The following RANBP2 variants were observed in gnomAD, a reference collection of about 807,000 sequenced individuals.
RANBP2 encodes the protein E3 SUMO-protein ligase RanBP2.
A neutral mutation model predicts 303.6 loss-of-function variants in RANBP2; 57 were observed. The ratio of observed to expected loss-of-function variants is 0.19; its 90% CI spans 0.15 to 0.23. The LOEUF is 0.23. Among genes scored for constraint, RANBP2 ranks in the 10% least tolerant of loss-of-function variants. The probability of loss-of-function intolerance (pLI) is 1.00; values close to 1 mark genes in which losing one functional copy is unlikely to be tolerated. For missense variants in RANBP2, 3,138 were observed against 3,780.8 expected (o/e 0.83, Z 4.46); for synonymous variants, 1,167 against 1,301.5 (o/e 0.90, Z 2.23).
chr2:108,816,203 C>T, the RANBP2 span: 4 of 902,146 alleles, frequency 4.4e-6, no homozygotes, highest in East Asian at 2.6e-5. Flanking sequence ...ATAATCCCAT[C>T]ACTTTGGGAG....
the RANBP2 span, among the ~76,000 whole-genome samples, chr2:109,210,224 TTTC>T: frequency 1.3e-5 from 2 of 152,234 alleles, no homozygotes; most frequent in Non-Finnish European, 2.9e-5. Flanking sequence ...CATTTGGGTG[TTTC>T]TGCCTTTTGG....
At chr2:109,180,125 T>C in the RANBP2 span, among the ~76,000 whole-genome samples, 1 of 151,974 alleles carries the variant, frequency 6.6e-6, no homozygotes, top group Non-Finnish European at 1.5e-5. Flanking sequence ...GAAGTTTTTT[T>C]TTTTTTCTCT....
chr2:108,755,551 G>C (rs1015692192), intron 17 of RANBP2, among the ~76,000 whole-genome samples: 3 of 151,950 alleles, frequency 2.0e-5, no homozygotes, highest in Admixed American at 1.3e-4. Flanking sequence ...ACGCCACCAG[G>C]CCCAGCTAAT....
chr2:109,688,313 G>C, the RANBP2 span, among the ~76,000 whole-genome samples: 1 of 152,090 alleles, frequency 6.6e-6, no homozygotes, highest in Non-Finnish European at 1.5e-5. Flanking sequence ...ACTGGGCCTC[G>C]TTCCTCAGAG....
chr2:109,201,325 A>T, the RANBP2 span, among the ~76,000 whole-genome samples: 1 of 152,202 alleles, frequency 6.6e-6, no homozygotes, highest in African/African-American at 2.4e-5. Context: ...GGCCTCCCTG[A>T]TCTGTGACCT....
chr2:109,773,107 AG>A, the RANBP2 span, among the ~76,000 whole-genome samples: 9 of 152,374 alleles, frequency 5.9e-5, no homozygotes, highest in East Asian at 1.5e-3. Context: ...GATGGAAATA[AG>A]TGGGCGTTAT....
At chr2:109,474,550 C>T in the RANBP2 span, among the ~76,000 whole-genome samples, 1 of 152,180 alleles carries the variant, frequency 6.6e-6, no homozygotes, top group African/African-American at 2.4e-5. Context: ...CAGTCCGAAC[C>T]GCACGGGGCT....
At chr2:109,700,395 A>T in the RANBP2 span, among the ~76,000 whole-genome samples, 1 of 152,178 alleles carries the variant, frequency 6.6e-6, no homozygotes, top group African/African-American at 2.4e-5. Context: ...GATGTGAGAC[A>T]TCGATATATA....
At chr2:108,812,279 T>C in the RANBP2 span, among the ~76,000 whole-genome samples, 7 of 152,286 alleles carry the variant, frequency 4.6e-5, no homozygotes, top group East Asian at 1.4e-3. Flanking sequence ...ATCCCAGTTA[T>C]AGCTCATTGT....
the RANBP2 span, among the ~76,000 whole-genome samples, chr2:109,468,334 A>G: frequency 6.6e-6 from 1 of 152,186 alleles, no homozygotes; most frequent in Non-Finnish European, 1.5e-5. Context: ...AGGAAGGGGA[A>G]TGCGTTGCAC....
the RANBP2 span, among the ~76,000 whole-genome samples, chr2:109,087,286 G>C: frequency 2.6e-5 from 4 of 152,204 alleles, no homozygotes; most frequent in African/African-American, 4.8e-5. Flanking sequence ...CTTGGCAAGG[G>C]AGGTGGACTC....
chr2:109,589,080 C>T, the RANBP2 span, among the ~76,000 whole-genome samples: 1 of 152,128 alleles, frequency 6.6e-6, no homozygotes, highest in African/African-American at 2.4e-5. Context: ...ATAGGCGCCA[C>T]CACGCCTGGG....
At chr2:109,300,822 A>G in the RANBP2 span, among the ~76,000 whole-genome samples, 5 of 152,214 alleles carry the variant, frequency 3.3e-5, no homozygotes, top group Non-Finnish European at 5.9e-5. Context: ...TCATTACCAC[A>G]GTCTTTGCCT....
At chr2:109,345,774 T>C in the RANBP2 span, among the ~76,000 whole-genome samples, 2 of 152,216 alleles carry the variant, frequency 1.3e-5, no homozygotes, top group Non-Finnish European at 2.9e-5. Context: ...TTTTTGTAAA[T>C]TTAACCAAAC....
At chr2:109,066,237 T>C in the RANBP2 span, among the ~76,000 whole-genome samples, 1 of 151,958 alleles carries the variant, frequency 6.6e-6, no homozygotes, top group African/African-American at 2.4e-5. Flanking sequence ...GCCTACTGAG[T>C]AGCTAGAATT....
the RANBP2 span, among the ~76,000 whole-genome samples, chr2:109,212,739 C>T: frequency 0.011 from 1,707 of 152,294 alleles, 28 homozygotes; most frequent in African/African-American, 0.037. Flanking sequence ...TCTCTTTGCC[C>T]GTGGCCCAAA....
At chr2:109,007,452 G>A in the RANBP2 span, among the ~76,000 whole-genome samples, 1 of 152,202 alleles carries the variant, frequency 6.6e-6, no homozygotes, top group Admixed American at 6.5e-5. Flanking sequence ...TACTTTCAGG[G>A]TGAGGTTGTG....
chr2:109,380,685 T>C, the RANBP2 span, among the ~76,000 whole-genome samples: 4 of 152,180 alleles, frequency 2.6e-5, no homozygotes. Context: ...TTAAATGTTG[T>C]CAGGGCCTGG....
the RANBP2 span, among the ~76,000 whole-genome samples, chr2:109,007,890 C>A: frequency 1.5e-5 from 2 of 133,940 alleles, no homozygotes; most frequent in African/African-American, 2.8e-5. Context: ...CACAAGAAAT[C>A]TAAACCTGTT....
Sources: allele counts gnomAD v4.1 joint callset (sites outside exome capture counted in the v4.1 genomes callset), GRCh38; gene constraint gnomAD v4.1.1; transcripts MANE v1.5; gene names NCBI Gene and HGNC (gene_info 2026-07-23, HGNC 2026-07-21).